Variants in TTLL5 observed in about 807,000 individuals in gnomAD.
The protein encoded by TTLL5 is tubulin tyrosine ligase like 5, also known as tubulin polyglutamylase TTLL5.
TTLL5 carries 132 observed loss-of-function variants against 168.4 expected under a neutral mutation model. The ratio of observed to expected loss-of-function variants is 0.78; its 90% CI spans 0.68 to 0.91. The LOEUF (loss-of-function observed/expected upper bound fraction) is 0.91. Ranked by LOEUF, TTLL5 falls within the 40% of genes least tolerant of loss-of-function variation. The pLI is 0.00. For missense variants in TTLL5, 1,545 were observed against 1,581.5 expected, an observed-to-expected ratio of 0.98 and a Z score of 0.39; for synonymous variants, 546 against 558.6, an observed-to-expected ratio of 0.98 and a Z score of 0.32.
chr14:75,826,923 A>AAGATCTCATCCT (rs2307515), intron 28 of TTLL5, among the ~76,000 whole-genome samples: 1 of 151,988 alleles, frequency 6.6e-6, no homozygotes, highest in East Asian at 1.9e-4. Flanking sequence ...TCCTTTAACT[A>AAGATCTCATCCT]ACCCACCTGC....
At chr14:75,914,150 C>G (rs2140120645) in intron 31 of TTLL5, among the ~76,000 whole-genome samples, 1 of 146,676 alleles carries the variant, frequency 6.8e-6, no homozygotes, top group East Asian at 2.0e-4. Flanking sequence ...ACTCATTTAT[C>G]TTGTCGTTTA....
chr14:75,762,800 G>T (rs1341937939), intron 18 of TTLL5, among the ~76,000 whole-genome samples: 1 of 152,106 alleles, frequency 6.6e-6, no homozygotes, highest in Non-Finnish European at 1.5e-5. Context: ...TTGAGTTTTT[G>T]TTGATAAAAA....
At chr14:75,886,972 A>G in intron 30 of TTLL5, 1 of 1,412,812 alleles carries the variant, frequency 7.1e-7, no homozygotes, top group South Asian at 1.7e-5. Context: ...TCTCTGAAGA[A>G]AGAAAACTGT....
At chr14:75,939,245 G>T (rs1190360033) in intron 31 of TTLL5, among the ~76,000 whole-genome samples, 2 of 152,220 alleles carry the variant, frequency 1.3e-5, no homozygotes, top group South Asian at 2.1e-4. Context: ...AAAAGTAAGT[G>T]TAAGTATTAT....
intron 27 of TTLL5, among the ~76,000 whole-genome samples, chr14:75,808,837 A>G (rs1893806910): frequency 1.3e-5 from 2 of 151,866 alleles, no homozygotes; most frequent in African/African-American, 4.8e-5. Flanking sequence ...TGTTGCCCAG[A>G]CTGATCTCGA....
chr14:75,919,222 G>T (rs1201922473), intron 31 of TTLL5, among the ~76,000 whole-genome samples: 1 of 84,744 alleles, frequency 1.2e-5, no homozygotes, highest in Non-Finnish European at 2.6e-5. Flanking sequence ...AAAAAAAAAA[G>T]GAAAAAGAAA....
At chr14:75,940,749 A>G (rs1471137603) in intron 31 of TTLL5, among the ~76,000 whole-genome samples, 5 of 152,238 alleles carry the variant, frequency 3.3e-5, no homozygotes, top group Non-Finnish European at 5.9e-5. Flanking sequence ...TCAGAGATTT[A>G]TATCTCTCTA....
At chr14:75,862,825 A>C (rs1417115684) in intron 28 of TTLL5, among the ~76,000 whole-genome samples, 1 of 152,114 alleles carries the variant, frequency 6.6e-6, no homozygotes, top group African/African-American at 2.4e-5. Flanking sequence ...ACACACCTAG[A>C]ATCCCAGCTT....
rs1185692470 is a variant in TTLL5, at chr14:75,771,781, A to G, written c.2063A>G (p.Gln688Arg). 6.2e-6 allele frequency: 10 copies of G among 1,614,094 alleles called. No individual in the cohort carries two copies. The highest frequency in any genetic ancestry group is 7.6e-6 in the Non-Finnish European group (9 of 1,179,988). The change falls in exon 21 of 32, where the codon CAA (glutamine) becomes CGA (arginine). Residue 688 changes from glutamine (Q) to arginine (R), a missense_variant. Transcript: ENST00000298832. Reference protein sequence around the residue: ...IAFSAYLQHVQIRLMKDSGGQ... With the variant: ...IAFSAYLQHVRIRLMKDSGGQ... ...TTCTCTGCCTATCTCCAGCATGTTC[A>G]AATTCGCCTGATGAAAGACAGTGGC...
intron 17 of TTLL5, among the ~76,000 whole-genome samples, chr14:75,750,760 C>T (rs1171917213): frequency 6.6e-6 from 1 of 151,568 alleles, no homozygotes; most frequent in Non-Finnish European, 1.5e-5. Flanking sequence ...TATATGTACC[C>T]ATGATAAAGT....
rs1194006811 is a variant in TTLL5 at position 75,773,903 on chromosome 14, A to ATACAT, written c.2137-1581_2137-1580insTACAT. Among the ~76,000 whole-genome samples the ATACAT allele has an allele frequency of 3.5e-4, 26 of 74,724 alleles. 1 individual carries two copies. The highest frequency in any genetic ancestry group is 7.5e-4 in the African/African-American group (18 of 23,872). 49.0% of individuals were successfully genotyped at this position (74,724 alleles called of 152,430 possible). ...AGATACCGTCTCAAAAAAAAAAAAA[A>ATACAT]ATACATATATATATATATATATATA... On this transcript the variant is annotated intron_variant, in intron 21 of 31. Coordinates refer to ENST00000298832, the MANE Select transcript of TTLL5 (RefSeq NM_015072.5).
At chr14:75,792,890 G>C in intron 26 of TTLL5, 26 bp from the exon 27 acceptor site, 1 of 1,515,400 alleles carries the variant, frequency 6.6e-7, no homozygotes, top group South Asian at 1.4e-5. Flanking sequence ...TCCTAAATGA[G>C]TGAAAACTTT....
intron 31 of TTLL5, among the ~76,000 whole-genome samples, chr14:75,903,020 T>C (rs1051955640): frequency 1.3e-5 from 2 of 152,164 alleles, no homozygotes; most frequent in East Asian, 1.9e-4. Context: ...ACAGACTACA[T>C]TGACTGAGGA....
At chr14:75,698,297 G>A (rs545913336) in intron 6 of TTLL5, among the ~76,000 whole-genome samples, 112 of 152,280 alleles carry the variant, frequency 7.4e-4, no homozygotes, top group Non-Finnish European at 2.2e-4. Flanking sequence ...ACGATCCAAA[G>A]GGATATAAAG....
At chr14:75,834,223 C>T (rs148722098) in intron 28 of TTLL5, among the ~76,000 whole-genome samples, 5 of 152,036 alleles carry the variant, frequency 3.3e-5, no homozygotes, top group East Asian at 3.9e-4. Context: ...ATGAAAATGG[C>T]GGAGATTTGT....
At chr14:75,892,602 C>T (rs1482881656) in intron 30 of TTLL5, among the ~76,000 whole-genome samples, 1 of 152,154 alleles carries the variant, frequency 6.6e-6, no homozygotes, top group African/African-American at 2.4e-5. Flanking sequence ...GCTGAGCATC[C>T]TGCAAAGCGC....
At chr14:75,744,006 C>G (rs1186262084) in intron 15 of TTLL5, among the ~76,000 whole-genome samples, 1 of 152,124 alleles carries the variant, frequency 6.6e-6, no homozygotes, top group East Asian at 1.9e-4. Context: ...GTTAGGACTT[C>G]AACATGAGAA....
Position 75,896,505 on chromosome 14 carries a change from T to C in TTLL5, c.3741-5637T>C, listed in dbSNP as rs1289029886. Among the ~76,000 whole-genome samples the C allele has an allele frequency of 2.0e-5, 3 of 152,298 alleles. No homozygotes were observed. The East Asian group carries it at 5.8e-4, about 29-fold the overall frequency. ...CTGTAAAATCTTGAGCATTTTCCTT[T>C]TGTGAGTCCTTCCTTCTACAGAAAG... On this transcript the variant is annotated intron_variant, in intron 30 of 31. Coordinates refer to ENST00000298832, the MANE Select transcript of TTLL5 (RefSeq NM_015072.5).
intron 31 of TTLL5, among the ~76,000 whole-genome samples, chr14:75,917,245 C>T (rs1318237677): frequency 6.6e-6 from 1 of 151,910 alleles, no homozygotes; most frequent in Non-Finnish European, 1.5e-5. Context: ...TGTATTATAC[C>T]CCAGATTAGG....
Sources: allele counts gnomAD v4.1 joint callset (sites outside exome capture counted in the v4.1 genomes callset), GRCh38; gene constraint gnomAD v4.1.1; transcripts MANE v1.5; gene names NCBI Gene and HGNC (gene_info 2026-07-23, HGNC 2026-07-21).